The following MAF variants were observed in gnomAD, a reference collection of about 807,000 sequenced individuals.
The protein encoded by MAF is transcription factor Maf.
MAF carries 10 observed loss-of-function variants against 22.0 expected under a neutral mutation model. The ratio of observed to expected loss-of-function variants is 0.45; its 90% CI spans 0.28 to 0.77. The LOEUF (loss-of-function observed/expected upper bound fraction) is 0.77, where lower values mean the gene tolerates loss of function less well. MAF is among the 30% of genes least tolerant of loss of function. The probability of loss-of-function intolerance (pLI) is 0.12; values close to 1 mark genes in which losing one functional copy is unlikely to be tolerated. For synonymous variants in MAF, 337 were observed against 255.8 expected (o/e 1.32, Z -3.03); for missense variants, 544 against 548.4 (o/e 0.99, Z 0.08).
chr16:79,296,135 G>A, the MAF span, among the ~76,000 whole-genome samples: 2 of 152,102 alleles, frequency 1.3e-5, no homozygotes, highest in Admixed American at 6.5e-5. Context: ...CTGTAAAATG[G>A]GATTATAGTA....
the MAF span, among the ~76,000 whole-genome samples, chr16:79,488,048 C>A: frequency 6.6e-6 from 1 of 152,164 alleles, no homozygotes; most frequent in Non-Finnish European, 1.5e-5. Flanking sequence ...CATCAAGCAT[C>A]GAAAAGTAGA....
At chr16:79,464,834 G>A in the MAF span, among the ~76,000 whole-genome samples, 1 of 152,186 alleles carries the variant, frequency 6.6e-6, no homozygotes, top group Admixed American at 6.5e-5. Flanking sequence ...AATATGACAA[G>A]AAAGTAAGTC....
At chr16:79,361,428 GA>G in the MAF span, among the ~76,000 whole-genome samples, 1 of 152,308 alleles carries the variant, frequency 6.6e-6, no homozygotes, top group East Asian at 1.9e-4. Flanking sequence ...GGGGCCTAAG[GA>G]GGCTGAGGCA....
chr16:79,391,735 C>T, the MAF span, among the ~76,000 whole-genome samples: 4 of 152,148 alleles, frequency 2.6e-5, no homozygotes, highest in South Asian at 2.1e-4. Flanking sequence ...AATGCGGCTG[C>T]GTCAGGCTTT....
chr16:79,255,984 T>C, the MAF span, among the ~76,000 whole-genome samples: 6 of 137,902 alleles, frequency 4.4e-5, no homozygotes, highest in Admixed American at 1.5e-4. Flanking sequence ...TTTCTTTTCT[T>C]TTTTTTTTTT....
the MAF span, among the ~76,000 whole-genome samples, chr16:79,503,506 C>G: frequency 6.6e-6 from 1 of 152,204 alleles, no homozygotes; most frequent in Non-Finnish European, 1.5e-5. Flanking sequence ...CTTCTCTTTT[C>G]TTTGAGATAC....
the MAF span, among the ~76,000 whole-genome samples, chr16:79,515,758 T>G: frequency 2.0e-5 from 3 of 152,012 alleles, no homozygotes; most frequent in Non-Finnish European, 4.4e-5. Flanking sequence ...GAGATGTGAG[T>G]GGCAGTCACA....
chr16:79,223,444 T>G, the MAF span, among the ~76,000 whole-genome samples: 2 of 152,002 alleles, frequency 1.3e-5, no homozygotes, highest in African/African-American at 2.4e-5. Context: ...AACATCACAA[T>G]TAAAAGAACT....
chr16:79,544,760 A>G, the MAF span, among the ~76,000 whole-genome samples: 1 of 132,934 alleles, frequency 7.5e-6, no homozygotes, highest in African/African-American at 2.7e-5. Context: ...GCGACAGAGC[A>G]AGGCTCTGTC....
chr16:79,594,763 CA>C (rs1913414290), intron 1 of MAF: 1 of 1,355,822 alleles, frequency 7.4e-7, no homozygotes, highest in Non-Finnish European at 9.5e-7. Flanking sequence ...TCAAAGTTTT[CA>C]GTAATTGTTA....
At chr16:79,398,319 G>A in the MAF span, among the ~76,000 whole-genome samples, 3 of 152,202 alleles carry the variant, frequency 2.0e-5, no homozygotes, top group South Asian at 2.1e-4. Flanking sequence ...AATGCCATCT[G>A]CAATTTAATT....
chr16:79,246,275 A>T, the MAF span, among the ~76,000 whole-genome samples: 2 of 152,172 alleles, frequency 1.3e-5, no homozygotes, highest in African/African-American at 4.8e-5. Flanking sequence ...GTTAATGACT[A>T]CTTTGGACTG....
chr16:79,594,815 C>T, intron 1 of MAF: 2 of 1,264,326 alleles, frequency 1.6e-6, no homozygotes, highest in African/African-American at 3.0e-5. Context: ...CCTTCTCTTA[C>T]AGCCAGCCAC....
At chr16:79,339,754 A>G in the MAF span, among the ~76,000 whole-genome samples, 1 of 152,356 alleles carries the variant, frequency 6.6e-6, no homozygotes, top group East Asian at 1.9e-4. Context: ...TTTACACAAA[A>G]GAAACAAAGT....
chr16:79,421,406 C>T, the MAF span, among the ~76,000 whole-genome samples: 10 of 152,278 alleles, frequency 6.6e-5, no homozygotes, highest in South Asian at 1.0e-3. Flanking sequence ...GCCTGGCAAC[C>T]GCTGATCTTT....
At chr16:79,407,795 G>A in the MAF span, among the ~76,000 whole-genome samples, 32 of 152,098 alleles carry the variant, frequency 2.1e-4, no homozygotes, top group South Asian at 5.6e-3. Context: ...CAGTCGAGCC[G>A]CCCCACGAAG....
chr16:79,273,093 C>G, the MAF span, among the ~76,000 whole-genome samples: 1 of 152,154 alleles, frequency 6.6e-6, no homozygotes, highest in South Asian at 2.1e-4. Flanking sequence ...TCTTGTTTTG[C>G]TCTGCGGTGT....
chr16:79,383,768 G>A, the MAF span, among the ~76,000 whole-genome samples: 1 of 152,158 alleles, frequency 6.6e-6, no homozygotes, highest in Non-Finnish European at 1.5e-5. Flanking sequence ...TTACAGATGT[G>A]CTCATTAAAC....
the MAF span, among the ~76,000 whole-genome samples, chr16:79,315,667 T>G: frequency 1.3e-5 from 2 of 152,210 alleles, no homozygotes; most frequent in African/African-American, 4.8e-5. Context: ...AAGCCTATGT[T>G]TTAATTACAC....
Sources: gnomAD v4.1 joint callset for allele counts (sites outside exome capture counted in the v4.1 genomes callset) on GRCh38, gnomAD v4.1.1 for gene constraint, MANE v1.5 for transcripts, NCBI Gene and HGNC (gene_info 2026-07-23, HGNC 2026-07-21) for gene names.